DPP6: variants seen among roughly 807,000 people sequenced by gnomAD.
DPP6 encodes the protein A-type potassium channel modulatory protein DPP6.
A neutral mutation model predicts 122.6 loss-of-function variants in DPP6; 69 were observed. The observed-to-expected ratio is 0.56, with a 90% CI of 0.46 to 0.69. DPP6 has a LOEUF of 0.69. Ranked by LOEUF, DPP6 falls within the 30% of genes least tolerant of loss-of-function variation. The pLI, the probability that DPP6 is intolerant of heterozygous loss-of-function variation, is 0.00. For missense variants in DPP6, 928 were observed against 1,116.9 expected, an observed-to-expected ratio of 0.83 and a Z score of 2.41; for synonymous variants, 418 against 433.1, an observed-to-expected ratio of 0.97 and a Z score of 0.43.
intron 6 of DPP6, among the ~76,000 whole-genome samples, chr7:154,648,563 C>T (rs1221214937): frequency 6.6e-6 from 1 of 152,094 alleles, no homozygotes; most frequent in Non-Finnish European, 1.5e-5. Flanking sequence ...GAAGAGCATA[C>T]ACCAACACCA....
At chr7:154,846,616 C>T (rs1000391609) in intron 16 of DPP6, among the ~76,000 whole-genome samples, 11 of 152,212 alleles carry the variant, frequency 7.2e-5, no homozygotes, top group African/African-American at 2.4e-4. Flanking sequence ...AGCTTAACGA[C>T]AGATGCAGTC....
chr7:154,535,002 G>A (rs907993641), intron 3 of DPP6, among the ~76,000 whole-genome samples: 4 of 151,968 alleles, frequency 2.6e-5, no homozygotes, highest in African/African-American at 7.3e-5. Context: ...GTGTGGCATT[G>A]GCATAAGAAT....
chr7:153,812,572 T>A, the DPP6 span, among the ~76,000 whole-genome samples: 1 of 152,078 alleles, frequency 6.6e-6, no homozygotes, highest in East Asian at 1.9e-4. Context: ...CTGATTGGAA[T>A]AGGAAAAGCC....
chr7:154,808,435 G>A (rs776798202), intron 16 of DPP6, among the ~76,000 whole-genome samples: 2 of 152,162 alleles, frequency 1.3e-5, no homozygotes, highest in Admixed American at 1.3e-4. Flanking sequence ...TCCCCGCAAC[G>A]TTAATGGTAC....
At position 153,996,408 on chromosome 7, in the gene DPP6, T is replaced by C. The variant is rs539038235; in HGVS notation, c.51+108674T>C. 1.4e-4 allele frequency among the ~76,000 whole-genome samples: 22 copies of C among 152,124 alleles called. No homozygotes were observed. In the East Asian group the frequency reaches 3.9e-3, roughly 27 times the overall value. ...GTTCTAAAAATTCTGGGCCTATCCT[T>C]CAAGGTTCAATCTCATAGTTTCTTC... On this transcript the variant is annotated intron_variant, in intron 1 of 25. Coordinates refer to the DPP6 transcript ENST00000404039.
chr7:154,792,659 G>A (rs181214522), intron 10 of DPP6, among the ~76,000 whole-genome samples: 37 of 152,358 alleles, frequency 2.4e-4, no homozygotes, highest in African/African-American at 8.2e-4. Context: ...TCTGGGGCAG[G>A]CCAGGCTCTA....
intron 1 of DPP6, among the ~76,000 whole-genome samples, chr7:154,417,435 A>T (rs1479787385): frequency 6.6e-6 from 1 of 152,180 alleles, no homozygotes; most frequent in East Asian, 1.9e-4. Context: ...TCTAAACGGA[A>T]GTCCTATCTG....
At chr7:154,203,156 G>A (rs1321922848) in intron 1 of DPP6, among the ~76,000 whole-genome samples, 3 of 152,206 alleles carry the variant, frequency 2.0e-5, no homozygotes, top group African/African-American at 4.8e-5. Context: ...TATTAAATAC[G>A]GAAATGAGCT....
At chr7:154,704,862 G>C (rs1387860709) in intron 7 of DPP6, among the ~76,000 whole-genome samples, 1 of 152,150 alleles carries the variant, frequency 6.6e-6, no homozygotes, top group Admixed American at 6.5e-5. Context: ...GGTGGTCTGG[G>C]ACTGAACCTG....
At chr7:154,172,605 CTT>C (rs539600568) in intron 1 of DPP6, among the ~76,000 whole-genome samples, 38 of 137,242 alleles carry the variant, frequency 2.8e-4, no homozygotes, top group Admixed American at 4.4e-4. Flanking sequence ...CTTTTTTTTT[CTT>C]TTTTTTTTTT....
chr7:153,892,733 G>A (rs531545295), intron 1 of DPP6, among the ~76,000 whole-genome samples: 6 of 152,168 alleles, frequency 3.9e-5, no homozygotes, highest in African/African-American at 1.4e-4. Context: ...CTTGGTGCTG[G>A]TTCTAAATGG....
intron 1 of DPP6, among the ~76,000 whole-genome samples, chr7:154,078,497 G>A (rs1803735396): frequency 6.6e-6 from 1 of 152,038 alleles, no homozygotes; most frequent in Admixed American, 6.6e-5. Context: ...GCAATATGGG[G>A]AGAGAGCCAG....
intron 1 of DPP6, among the ~76,000 whole-genome samples, chr7:154,364,386 C>A (rs949087602): frequency 2.6e-5 from 4 of 152,184 alleles, no homozygotes; most frequent in African/African-American, 9.7e-5. Context: ...AGAAACCGAC[C>A]TGCCAGCCCA....
intron 1 of DPP6, among the ~76,000 whole-genome samples, chr7:154,373,220 C>T (rs1470509400): frequency 1.3e-5 from 2 of 152,202 alleles, no homozygotes; most frequent in Non-Finnish European, 2.9e-5. Flanking sequence ...AGAGCCAGAA[C>T]TAGAAGGTTC....
chr7:154,771,577 G>A (rs1465374866), intron 9 of DPP6, among the ~76,000 whole-genome samples: 2 of 152,172 alleles, frequency 1.3e-5, no homozygotes, highest in South Asian at 2.1e-4. Context: ...TATGAATTGA[G>A]GAACTTGTTC....
At chr7:154,586,568 C>T (rs1832463723) in intron 5 of DPP6, among the ~76,000 whole-genome samples, 1 of 152,188 alleles carries the variant, frequency 6.6e-6, no homozygotes, top group African/African-American at 2.4e-5. Flanking sequence ...CCCAGGCTGT[C>T]ACGGTGGGAC....
chr7:154,607,595 A>G lies in DPP6; in HGVS notation c.628-30226A>G, dbSNP rs1356859515. Among the ~76,000 whole-genome samples the G allele has an allele frequency of 1.8e-5, 2 of 111,942 alleles. 1 individual carries two copies. The highest frequency in any genetic ancestry group is 4.0e-5 in the Non-Finnish European group (2 of 50,436). The allele number at this position is 111,942 out of a possible 152,430, so 73.4% of individuals were successfully genotyped here. On this transcript the variant is annotated intron_variant, in intron 5 of 25. Transcript: ENST00000377770. The stretch of plus-strand genomic sequence containing the variant: ...AAAAAAAAAAAAAAAAAAAGGAAAG[A>G]AAAAGTTGAATTGCTTGATGGGTAC...
At chr7:154,779,313 C>T (rs1198873509) in intron 10 of DPP6, among the ~76,000 whole-genome samples, 3 of 146,038 alleles carry the variant, frequency 2.1e-5, no homozygotes, top group Non-Finnish European at 3.0e-5. Context: ...ACCACCCCCA[C>T]CATCGCCTCC....
At chr7:154,681,532 T>C (rs1839279728) in intron 7 of DPP6, among the ~76,000 whole-genome samples, 1 of 152,168 alleles carries the variant, frequency 6.6e-6, no homozygotes, top group South Asian at 2.1e-4. Context: ...CAGATCCTGT[T>C]TCTCGTCCTG....
Sources: allele counts gnomAD v4.1 joint callset (sites outside exome capture counted in the v4.1 genomes callset), GRCh38; gene constraint gnomAD v4.1.1; transcripts MANE v1.5; gene names NCBI Gene and HGNC (gene_info 2026-07-23, HGNC 2026-07-21).